TBCD: variants seen among roughly 807,000 people sequenced by gnomAD.
TBCD encodes the protein tubulin folding cofactor D.
A neutral mutation model predicts 169.3 loss-of-function variants in TBCD; 105 were observed. That is an observed-to-expected ratio of 0.62 (90% CI 0.53 to 0.73). The LOEUF is 0.73. TBCD is among the 30% of genes least tolerant of loss of function. The pLI is 0.00. For synonymous variants in TBCD, 700 were observed against 643.9 expected (o/e 1.09, Z -1.32); for missense variants, 1,444 against 1,600.1 (o/e 0.90, Z 1.66).
chr17:82,781,044 C>T (rs867540569), intron 6 of TBCD, among the ~76,000 whole-genome samples: 2 of 151,852 alleles, frequency 1.3e-5, no homozygotes, highest in Non-Finnish European at 1.5e-5. Context: ...GCCTGGAACA[C>T]GAGGCCGAGT....
intron 13 of TBCD, among the ~76,000 whole-genome samples, chr17:82,819,600 T>C (rs1192775609): frequency 6.6e-6 from 1 of 151,504 alleles, no homozygotes; most frequent in Non-Finnish European, 1.5e-5. Context: ...GGAGAATTGC[T>C]TGAGTCCAGG....
intron 6 of TBCD, among the ~76,000 whole-genome samples, chr17:82,779,321 A>G (rs1012459334): frequency 6.6e-6 from 1 of 151,750 alleles, no homozygotes; most frequent in Admixed American, 6.6e-5. Flanking sequence ...GGGTCTTACC[A>G]TGTTTACCAG....
At chr17:82,931,941 G>GT (rs1250796211) in intron 33 of TBCD, 2 of 152,662 alleles carry the variant, frequency 1.3e-5, no homozygotes, top group African/African-American at 2.4e-5. Context: ...GCGCGTTGCT[G>GT]TTTTATATTC....
chr17:82,849,327 C>T (rs1472674787), intron 13 of TBCD, among the ~76,000 whole-genome samples: 1 of 143,604 alleles, frequency 7.0e-6, no homozygotes, highest in African/African-American at 2.5e-5. Context: ...TCTGCTGCGT[C>T]GGGGCTGCCT....
chr17:82,812,355 C>T (rs764341862), intron 12 of TBCD, among the ~76,000 whole-genome samples: 3 of 152,168 alleles, frequency 2.0e-5, no homozygotes, highest in Admixed American at 6.5e-5. Context: ...AGCCTCACCA[C>T]GTGGGTTCCT....
intron 13 of TBCD, among the ~76,000 whole-genome samples, chr17:82,838,271 T>C (rs1206886556): frequency 6.6e-6 from 1 of 152,120 alleles, no homozygotes; most frequent in Non-Finnish European, 1.5e-5. Flanking sequence ...TAGTGAGAAG[T>C]TGGGATGCTT....
intron 6 of TBCD, among the ~76,000 whole-genome samples, chr17:82,780,268 A>G (rs1475644616): frequency 1.3e-5 from 2 of 152,026 alleles, no homozygotes; most frequent in African/African-American, 2.4e-5. Context: ...TCCTCTCTCT[A>G]ACGAGGCCAT....
intron 13 of TBCD, among the ~76,000 whole-genome samples, chr17:82,826,354 T>C (rs564916426): frequency 6.6e-6 from 1 of 152,182 alleles, no homozygotes; most frequent in Admixed American, 6.5e-5. Context: ...TAGCATATTA[T>C]TGAAATTTAG....
At chr17:82,800,368 C>A (rs1310466728) in intron 8 of TBCD, among the ~76,000 whole-genome samples, 1 of 152,150 alleles carries the variant, frequency 6.6e-6, no homozygotes, top group Non-Finnish European at 1.5e-5. Flanking sequence ...CTGCATGACA[C>A]CGAGTGATTC....
At chr17:82,799,537 G>A (rs895944498) in intron 8 of TBCD, among the ~76,000 whole-genome samples, 3 of 151,230 alleles carry the variant, frequency 2.0e-5, no homozygotes, top group African/African-American at 7.3e-5. Context: ...TTTGAAACAT[G>A]TATAAAGAAG....
chr17:82,933,049 G>A (rs1490619322), intron 34 of TBCD, among the ~76,000 whole-genome samples: 1 of 152,160 alleles, frequency 6.6e-6, no homozygotes, highest in Non-Finnish European at 1.5e-5. Context: ...GTTGTGCTGG[G>A]AGCCGCAGGG....
chr17:82,831,545 G>C lies in TBCD; in HGVS notation c.1318+16611G>C. On this transcript the variant is annotated intron_variant, in intron 13 of 38. Coordinates refer to ENST00000355528, the MANE Select transcript of TBCD (RefSeq NM_005993.5). This position sits in a 1 kb window ranked among gnomAD's most constrained non-coding sequence, Gnocchi z 4.6. ...GGATATTGCTGGAAAAACCTGTAGT[G>C]ATCGTATGTGGCTGGAGATGGAGCC... 1 of 1,614,180 alleles carries C rather than the reference G, an allele frequency of 6.2e-7. No homozygotes were observed. Among genetic ancestry groups the C allele is most frequent in the Non-Finnish European group, 8.5e-7 (1 of 1,180,028 alleles).
At chr17:82,939,633 C>T (rs901716978) in intron 37 of TBCD, among the ~76,000 whole-genome samples, 157 bp downstream of exon 37, 9 of 152,320 alleles carry the variant, frequency 5.9e-5, no homozygotes, top group East Asian at 1.9e-4. Context: ...ACAAGGCAGC[C>T]GTGCTGCTGT....
chr17:82,814,199 A>C (rs2051678206), intron 12 of TBCD, among the ~76,000 whole-genome samples: 1 of 152,264 alleles, frequency 6.6e-6, no homozygotes, highest in East Asian at 1.9e-4. Context: ...TTGACTAAAC[A>C]GTGGGGTGTC....
chr17:82,932,607 G>T, intron 33 of TBCD, 51 bp from the exon 34 acceptor site: 1 of 1,501,272 alleles, frequency 6.7e-7, no homozygotes, highest in Non-Finnish European at 9.2e-7. Flanking sequence ...TCAGGGAGTT[G>T]GGCGTCCTTG....
chr17:82,911,922 C>T (rs2060673914), intron 23 of TBCD, 133 bp downstream of exon 23: 4 of 866,512 alleles, frequency 4.6e-6, no homozygotes, highest in East Asian at 2.7e-5. Flanking sequence ...TCTGTGGAGG[C>T]GGCATCTGTG....
chr17:82,880,935 G>T lies in TBCD; in HGVS notation c.1476-3210G>T, dbSNP rs1220326087. On this transcript the variant is annotated intron_variant, in intron 14 of 38. Coordinates refer to ENST00000355528, the MANE Select transcript of TBCD (RefSeq NM_005993.5). This position sits in a 1 kb window ranked among gnomAD's most constrained non-coding sequence, Gnocchi z 5.0. ...TGGCTCCAGGCGGAACTCGGGGAAG[G>T]AGGCCGTGTACTCCCATAGCTCTGG... Among the ~76,000 whole-genome samples the T allele has an allele frequency of 6.6e-6, 1 of 152,134 alleles. No individual in the cohort carries two copies. The highest frequency in any genetic ancestry group is 2.4e-5 in the African/African-American group (1 of 41,426).
chr17:82,755,867 C>A (rs1018774624), intron 1 of TBCD, among the ~76,000 whole-genome samples: 2 of 151,976 alleles, frequency 1.3e-5, no homozygotes, highest in African/African-American at 2.4e-5. Context: ...AAGGAAGAGG[C>A]GAGGAGGAGA....
chr17:82,762,771 C>T (rs542062183), intron 2 of TBCD, among the ~76,000 whole-genome samples: 5 of 151,840 alleles, frequency 3.3e-5, no homozygotes, highest in African/African-American at 1.2e-4. Flanking sequence ...AAGTGTGTGA[C>T]TCATCACCTG....
Sources: gnomAD v4.1 joint callset for allele counts (sites outside exome capture counted in the v4.1 genomes callset) on GRCh38, gnomAD v4.1.1 for gene constraint, Gnocchi (gnomAD v3.1) non-coding constraint, MANE v1.5 for transcripts, NCBI Gene and HGNC (gene_info 2026-07-23, HGNC 2026-07-21) for gene names.